The following NOX4 variants were observed in gnomAD, a reference collection of about 807,000 sequenced individuals.
NOX4 encodes the protein NADPH oxidase 4, also known as kidney oxidase-1.
NOX4 carries 69 observed loss-of-function variants against 87.6 expected under a neutral mutation model. That is an observed-to-expected ratio of 0.79 (90% CI 0.65 to 0.96). NOX4 has a LOEUF of 0.96. Among genes scored for constraint, NOX4 ranks in the 40% least tolerant of loss-of-function variants. NOX4 has a pLI of 0.00. For missense variants in NOX4, 680 were observed against 681.5 expected (o/e 1.00, Z 0.02); for synonymous variants, 275 against 238.2 (o/e 1.15, Z -1.42).
At chr11:89,430,908 G>A (rs1222702886) in intron 7 of NOX4, among the ~76,000 whole-genome samples, 1 of 152,098 alleles carries the variant, frequency 6.6e-6, no homozygotes, top group Non-Finnish European at 1.5e-5. Context: ...ACAATCCTAA[G>A]CCAAAAGAAC....
intron 8 of NOX4, among the ~76,000 whole-genome samples, chr11:89,419,663 G>T (rs1445648036): frequency 3.3e-5 from 5 of 151,584 alleles, no homozygotes; most frequent in Admixed American, 3.3e-4. Context: ...TCATCCTATA[G>T]ATGCCTACTA....
At chr11:89,555,878 C>T in the NOX4 span, among the ~76,000 whole-genome samples, 2 of 152,148 alleles carry the variant, frequency 1.3e-5, no homozygotes, top group African/African-American at 2.4e-5. Context: ...ACTGTTCTGG[C>T]ACTTCCTCAT....
the NOX4 span, among the ~76,000 whole-genome samples, chr11:89,564,172 G>A: frequency 6.6e-6 from 1 of 152,146 alleles, no homozygotes; most frequent in Non-Finnish European, 1.5e-5. Context: ...AACTGTATTA[G>A]TCCATTCTCA....
chr11:89,537,324 G>A, the NOX4 span, among the ~76,000 whole-genome samples: 29 of 151,420 alleles, frequency 1.9e-4, no homozygotes, highest in Admixed American at 1.6e-3. Flanking sequence ...TATATAATAA[G>A]GTGTTTTAAT....
intron 2 of NOX4, among the ~76,000 whole-genome samples, chr11:89,465,000 T>G (rs986118445): frequency 3.3e-5 from 5 of 152,128 alleles, no homozygotes; most frequent in Admixed American, 6.5e-5. Context: ...AAAAAACATT[T>G]TTGTTATACT....
the NOX4 span, among the ~76,000 whole-genome samples, chr11:89,521,944 C>T: frequency 6.6e-6 from 1 of 152,110 alleles, no homozygotes; most frequent in African/African-American, 2.4e-5. Flanking sequence ...CATCACTGAT[C>T]ATTGGAGAAA....
the NOX4 span, among the ~76,000 whole-genome samples, chr11:89,518,229 TCAATCCA>T: frequency 6.6e-6 from 1 of 151,974 alleles, no homozygotes; most frequent in Non-Finnish European, 1.5e-5. Flanking sequence ...AGACAAGCAT[TCAATCCA>T]AACAAACTGC....
At chr11:89,388,893 C>A (rs1029856869) in intron 11 of NOX4, among the ~76,000 whole-genome samples, 11 of 152,118 alleles carry the variant, frequency 7.2e-5, no homozygotes, top group African/African-American at 2.7e-4. Flanking sequence ...CCACACATAC[C>A]ACTTAATTAT....
chr11:89,361,821 AC>A (rs1938547363), intron 12 of NOX4, among the ~76,000 whole-genome samples: 1 of 152,058 alleles, frequency 6.6e-6, no homozygotes, highest in Non-Finnish European at 1.5e-5. Flanking sequence ...TGTAGTTGAT[AC>A]AGAGAAGTAT....
upstream of NOX4, among the ~76,000 whole-genome samples, chr11:89,502,442 G>A (rs1377757289): frequency 1.3e-5 from 2 of 151,994 alleles, no homozygotes; most frequent in Non-Finnish European, 2.9e-5. Flanking sequence ...GAACACAAAT[G>A]TGCTGATGAA....
At chr11:89,329,750 C>T (rs1218550954) in intron 17 of NOX4, among the ~76,000 whole-genome samples, 2 of 151,926 alleles carry the variant, frequency 1.3e-5, no homozygotes, top group Non-Finnish European at 2.9e-5. Flanking sequence ...ATCAAGACAT[C>T]AACTATTATA....
chr11:89,338,561 C>T (rs887743532), intron 15 of NOX4, among the ~76,000 whole-genome samples: 1 of 152,020 alleles, frequency 6.6e-6, no homozygotes, highest in Non-Finnish European at 1.5e-5. Context: ...GTCTGGAGGA[C>T]TTACGTAATC....
At chr11:89,395,200 T>C (rs1941390088) in intron 11 of NOX4, among the ~76,000 whole-genome samples, 1 of 152,194 alleles carries the variant, frequency 6.6e-6, no homozygotes, top group African/African-American at 2.4e-5. Flanking sequence ...TCATTCTAAC[T>C]GGTGTGAGAT....
chr11:89,455,719 C>CATAT (rs60864771), intron 2 of NOX4, among the ~76,000 whole-genome samples: 2,397 of 140,938 alleles, frequency 0.017, 34 homozygotes, highest in African/African-American at 0.033. Context: ...AAGATGAAGT[C>CATAT]ATATATATAT....
intron 7 of NOX4, among the ~76,000 whole-genome samples, chr11:89,432,197 G>A (rs1195441691): frequency 1.3e-5 from 2 of 151,896 alleles, no homozygotes; most frequent in Non-Finnish European, 2.9e-5. Flanking sequence ...ACCGGGGCCT[G>A]TTGTGGGGTT....
At chr11:89,329,394 C>T (rs1446004333) in intron 17 of NOX4, among the ~76,000 whole-genome samples, 1 of 129,454 alleles carries the variant, frequency 7.7e-6, no homozygotes, top group African/African-American at 3.0e-5. Context: ...CATAAGTGGC[C>T]TGTGGGACAA....
intron 12 of NOX4, among the ~76,000 whole-genome samples, chr11:89,358,756 T>G: frequency 6.6e-6 from 1 of 151,296 alleles, no homozygotes; most frequent in East Asian, 1.9e-4. Flanking sequence ...TTTTATTTGT[T>G]AAGTAAAAAA....
chr11:89,463,858 T>C (rs1229514466), intron 2 of NOX4, among the ~76,000 whole-genome samples: 2 of 151,982 alleles, frequency 1.3e-5, no homozygotes, highest in African/African-American at 4.8e-5. Context: ...GAAATAATTA[T>C]CATTTGAGAG....
chr11:89,539,139 T>C, the NOX4 span, among the ~76,000 whole-genome samples: 1 of 152,022 alleles, frequency 6.6e-6, no homozygotes, highest in African/African-American at 2.4e-5. Context: ...ATAAAAAAAA[T>C]AATAAATTTT....
Sources: gnomAD v4.1 joint callset for allele counts (sites outside exome capture counted in the v4.1 genomes callset) on GRCh38, gnomAD v4.1.1 for gene constraint, MANE v1.5 for transcripts, NCBI Gene and HGNC (gene_info 2026-07-23, HGNC 2026-07-21) for gene names.